Variants in FGF8 observed in about 807,000 individuals in gnomAD.
The protein encoded by FGF8 is fibroblast growth factor 8.
FGF8 carries 12 observed loss-of-function variants against 29.7 expected under a neutral mutation model. The ratio of observed to expected loss-of-function variants is 0.40; its 90% CI spans 0.26 to 0.65. The LOEUF (loss-of-function observed/expected upper bound fraction) is 0.65. FGF8 is among the 30% of genes least tolerant of loss of function. The pLI is 0.37. For missense variants in FGF8, 271 were observed against 345.1 expected, an observed-to-expected ratio of 0.79 and a Z score of 1.70; for synonymous variants, 157 against 144.4, an observed-to-expected ratio of 1.09 and a Z score of -0.63.
chr10:101,778,980 G>A (rs913930747), upstream of FGF8, among the ~76,000 whole-genome samples: 1 of 152,014 alleles, frequency 6.6e-6, no homozygotes, highest in Non-Finnish European at 1.5e-5. Context: ...TTTCCTGGCC[G>A]CCCCCACACT....
In FGF8 at chr10:101,775,021, G is replaced by C. The variant is rs2065070468; in HGVS notation, c.156+109C>G. 6.7e-7 allele frequency: 1 copy of C among 1,500,958 alleles called. No homozygotes were observed. The highest frequency in any genetic ancestry group is 2.3e-5 in the East Asian group (1 of 42,830). The allele number at this position is 1,500,958 out of a possible 1,614,324, so 93.0% of individuals were successfully genotyped here. On this transcript the variant is annotated intron_variant, in intron 3 of 5. Transcript: ENST00000320185. The surrounding 1 kb of genome is among the most constrained non-coding windows in gnomAD (Gnocchi z 4.6). Reference sequence around the variant, plus strand: ...CCCTCACTGCCCCAAGCCGCCAGCAGGTGCTGGGGGTTCCCCCAACATGCC... The same window carrying C: ...CCCTCACTGCCCCAAGCCGCCAGCACGTGCTGGGGGTTCCCCCAACATGCC...
chr10:101,779,735 C>A (rs1431567870), upstream of FGF8, among the ~76,000 whole-genome samples: 1 of 152,134 alleles, frequency 6.6e-6, no homozygotes, highest in Admixed American at 6.5e-5. The surrounding 1 kb of genome is among the most constrained non-coding windows in gnomAD (Gnocchi z 5.7). Context: ...GGGAGGCCTC[C>A]CAGGAGAGAG....
At position 101,770,626 on chromosome 10, in the gene FGF8, G is replaced by A; in HGVS notation, c.445-7C>T. The A allele has an allele frequency of 1.2e-6, 2 of 1,607,256 alleles. No homozygotes were observed. Among genetic ancestry groups the A allele is most frequent in the Non-Finnish European group, 1.7e-6 (2 of 1,179,902 alleles). On this transcript the variant is annotated splice_polypyrimidine_tract_variant and splice_region_variant and intron_variant, in intron 5 of 5. Transcript: ENST00000320185. ...CCTTGCCTTTGCCGTTGCTCTGCAG[G>A]TAGGGGAGCCAGACACCACGTTACA...
chr10:101,773,552 T>C (rs1039872014), intron 4 of FGF8, among the ~76,000 whole-genome samples: 2 of 151,444 alleles, frequency 1.3e-5, no homozygotes, highest in African/African-American at 4.9e-5. Context: ...GACCGGGCTT[T>C]TGGAAAGCTT....
Position 101,772,462 on chromosome 10 carries a change from C to T in FGF8, c.338-893G>A, listed in dbSNP as rs2065038509. 6.6e-6 allele frequency among the ~76,000 whole-genome samples: 1 copy of T among 152,202 alleles called. No individual in the cohort carries two copies. Among genetic ancestry groups the T allele is most frequent in the South Asian group, 2.1e-4 (1 of 4,830 alleles). ...TCTATGCCTCCTTTCCCATTCCCCT[C>T]CCCTTAGACAGCCAACTTGCCACAG... On this transcript the variant is annotated intron_variant, in intron 4 of 5. Coordinates refer to ENST00000320185, the MANE Select transcript of FGF8 (RefSeq NM_033163.5). The surrounding 1 kb of genome is among the most constrained non-coding windows in gnomAD (Gnocchi z 4.4).
chr10:101,774,979 C>T, intron 3 of FGF8, 67 bp from the exon 4 acceptor site: 1 of 1,570,628 alleles, frequency 6.4e-7, no homozygotes, highest in Non-Finnish European at 8.7e-7. Context: ...CCCGAGTGGC[C>T]CCATCACCCT....
chr10:101,775,469 GC>G lies in FGF8; in HGVS notation c.70-254del. The stretch of plus-strand genomic sequence containing the variant: ...TCCTCGGCGGCTGGGTGTTCCCTAT[GC>G]CCCCAGCCGGCGAGGATGCATGGGG... On this transcript the variant is annotated intron_variant, in intron 2 of 5. Coordinates refer to ENST00000320185, the MANE Select transcript of FGF8 (RefSeq NM_033163.5). The surrounding 1 kb of genome is among the most constrained non-coding windows in gnomAD (Gnocchi z 4.6). 1.7e-6 allele frequency: 1 copy of G among 603,726 alleles called. No homozygotes were observed. Among genetic ancestry groups the G allele is most frequent in the Non-Finnish European group, 2.9e-6 (1 of 340,136 alleles). The allele number at this position is 603,726 out of a possible 1,614,324, so 37.4% of individuals were successfully genotyped here. A position where few individuals can be genotyped will look rare whatever the true frequency, so the allele number is the denominator to read the frequency against.
chr10:101,770,697 GT>G (rs2065011862), intron 5 of FGF8, 78 bp from the exon 6 acceptor site: 1 of 1,522,412 alleles, frequency 6.6e-7, no homozygotes, highest in African/African-American at 1.4e-5. Flanking sequence ...CAGACAGCAG[GT>G]GGGCACCCCA....
At chr10:101,774,103 C>T (rs2065057369) in intron 4 of FGF8, among the ~76,000 whole-genome samples, 1 of 152,338 alleles carries the variant, frequency 6.6e-6, no homozygotes, top group South Asian at 2.1e-4. Context: ...AAATTGGCCC[C>T]GTTTCAAGGC....
chr10:101,775,211 G>T lies in FGF8; in HGVS notation c.75C>A (p.Gly25=), dbSNP rs1324113694. The change falls in exon 3 of 6, where the codon GGC becomes GGA. Residue 25 remains glycine, a synonymous_variant. Coordinates refer to ENST00000320185, the MANE Select transcript of FGF8 (RefSeq NM_033163.5). The surrounding 1 kb of genome is among the most constrained non-coding windows in gnomAD (Gnocchi z 4.6). The part of the protein sequence containing the change: ...LLVLCLQAQE[G]PGRGPALGRE... Reference sequence around the variant, plus strand: ...TGCCCAGCGCAGGGCCCCTGCCCGGGCCTTCCTAGAGGAGCAGGGCGCTTT... The same window carrying T: ...TGCCCAGCGCAGGGCCCCTGCCCGGTCCTTCCTAGAGGAGCAGGGCGCTTT... 8 of 1,539,718 alleles carry T rather than the reference G, an allele frequency of 5.2e-6. No homozygotes were observed. Among genetic ancestry groups the T allele is most frequent in the Non-Finnish European group, 7.0e-6 (8 of 1,139,190 alleles).
In FGF8 at chr10:101,770,346, C is replaced by A. The variant is rs763794275; in HGVS notation, c.718G>T (p.Ala240Ser). Reference protein sequence around the residue: ...RSLRGSQRTWAPEPR With the variant: ...RSLRGSQRTWSPEPR Reference sequence around the variant, plus strand: ...GGCAGCACCTATCGGGGCTCGGGGGCCCAAGTCCTCTGGCTGCCGCGCAGG... The same window carrying A: ...GGCAGCACCTATCGGGGCTCGGGGGACCAAGTCCTCTGGCTGCCGCGCAGG... Residue 240 changes from alanine (A) to serine (S), a missense_variant, in exon 6 of 6, where the codon GCC (alanine) becomes TCC (serine). Transcript: ENST00000320185. 1.9e-6 allele frequency: 3 copies of A among 1,597,468 alleles called. No individual in the cohort carries two copies.
rs1164515962 is a variant in FGF8, at chr10:101,771,840, G to T, written c.338-271C>A. ...GGTCTTGGGACTATCAAATTGAAAA[G>T]GCTGAAGTGCCATTCCTTCCACCCT... On this transcript the variant is annotated intron_variant, in intron 4 of 5. Coordinates refer to ENST00000320185, the MANE Select transcript of FGF8 (RefSeq NM_033163.5). This position sits in a 1 kb window ranked among gnomAD's most constrained non-coding sequence, Gnocchi z 5.3. Among the ~76,000 whole-genome samples, 2 of 152,234 alleles carry T rather than the reference G, an allele frequency of 1.3e-5. No homozygotes were observed. Among genetic ancestry groups the T allele is most frequent in the Admixed American group, 6.5e-5 (1 of 15,288 alleles).
chr10:101,775,093 C>A lies in FGF8; in HGVS notation c.156+37G>T. ...CCCACGCAAGTCGGGCAGACCCAGCCCAGGATGAACGAGCCCCAGGGAGAA... is the reference window on the plus strand; with the variant it reads ...CCCACGCAAGTCGGGCAGACCCAGCACAGGATGAACGAGCCCCAGGGAGAA... On this transcript the variant is annotated intron_variant, in intron 3 of 5. Transcript: ENST00000320185. This position sits in a 1 kb window ranked among gnomAD's most constrained non-coding sequence, Gnocchi z 4.6. 6.5e-7 allele frequency: 1 copy of A among 1,536,748 alleles called. No individual in the cohort carries two copies. The highest frequency in any genetic ancestry group is 2.4e-5 in the East Asian group (1 of 40,872).
upstream of FGF8, among the ~76,000 whole-genome samples, chr10:101,778,705 A>G (rs1589816027): frequency 6.6e-6 from 1 of 152,354 alleles, no homozygotes; most frequent in African/African-American, 2.4e-5. Flanking sequence ...GGAGAGGAGC[A>G]GATGGGGACA....
At chr10:101,779,419 C>T (rs1488065023), upstream of FGF8, among the ~76,000 whole-genome samples, 1 of 152,224 alleles carries the variant, frequency 6.6e-6, no homozygotes, top group Non-Finnish European at 1.5e-5. The surrounding 1 kb of genome is among the most constrained non-coding windows in gnomAD (Gnocchi z 5.7). Flanking sequence ...GAGCCGGCAG[C>T]GCTCCTACTG....
rs1417840818 is a variant in FGF8 at position 101,775,289 on chromosome 10, C to T, written c.70-73G>A. The T allele has an allele frequency of 6.2e-6, 7 of 1,123,410 alleles. No homozygotes were observed. Among genetic ancestry groups the T allele is most frequent in the Admixed American group, 2.0e-5 (1 of 50,236 alleles). The allele number at this position is 1,123,410 out of a possible 1,614,324, so 69.6% of individuals were successfully genotyped here. On this transcript the variant is annotated intron_variant, in intron 2 of 5. Coordinates refer to ENST00000320185, the MANE Select transcript of FGF8 (RefSeq NM_033163.5). The surrounding 1 kb of genome is among the most constrained non-coding windows in gnomAD (Gnocchi z 4.6). ...CCTGACATTTATAAAGACAAATTTACGGAGCAAATGTTGAGAGTGCAGGGA... is the reference window on the plus strand; with the variant it reads ...CCTGACATTTATAAAGACAAATTTATGGAGCAAATGTTGAGAGTGCAGGGA...
intron 4 of FGF8, among the ~76,000 whole-genome samples, chr10:101,773,405 C>T (rs2065048663): frequency 6.6e-6 from 1 of 152,192 alleles, no homozygotes; most frequent in Non-Finnish European, 1.5e-5. Context: ...GGTAGGCCTG[C>T]TCTGCCAGCC....
upstream of FGF8, chr10:101,780,213 A>AC (rs2065131547): frequency 2.0e-5 from 3 of 152,310 alleles, no homozygotes; most frequent in South Asian, 6.2e-4. Flanking sequence ...GACCCAGATC[A>AC]CCGCAACACA....
chr10:101,774,972 G>T, intron 3 of FGF8, 60 bp from the exon 4 acceptor site: 1 of 1,579,236 alleles, frequency 6.3e-7, no homozygotes, highest in Non-Finnish European at 8.7e-7. Flanking sequence ...CCAGGGGCCC[G>T]AGTGGCCCCA....
Sources: allele counts gnomAD v4.1 joint callset (sites outside exome capture counted in the v4.1 genomes callset), GRCh38; gene constraint gnomAD v4.1.1; non-coding constraint Gnocchi (gnomAD v3.1); transcripts MANE v1.5; gene names NCBI Gene and HGNC (gene_info 2026-07-23, HGNC 2026-07-21).